RADIL: variants seen among roughly 807,000 people sequenced by gnomAD.
The protein encoded by RADIL is ras-associating and dilute domain-containing protein.
In RADIL, 99 loss-of-function variants were observed where a neutral mutation model predicts 97.6. That is an observed-to-expected ratio of 1.01 (90% confidence interval 0.86 to 1.20). The LOEUF is 1.20. Among genes scored for constraint, RADIL ranks in the 50% most tolerant of loss-of-function variants. The probability of loss-of-function intolerance (pLI) is 0.00; values close to 1 mark genes in which losing one functional copy is unlikely to be tolerated. For synonymous variants in RADIL, 803 were observed against 691.8 expected (o/e 1.16, Z -2.52); for missense variants, 1,765 against 1,498.9 (o/e 1.18, Z -2.93).
In RADIL at chr7:4,830,343, C is replaced by G. The variant is rs566216729; in HGVS notation, c.1454+1798G>C. On this transcript the variant is annotated intron_variant, in intron 5 of 14. Coordinates refer to ENST00000399583, the MANE Select transcript of RADIL (RefSeq NM_018059.5). ...TCTAGGGCCCACTCGAGAGTGGGAG[C>G]GTAGGCCGCAGGGGCTGCACGTCTG... Among the ~76,000 whole-genome samples the G allele has an allele frequency of 3.7e-3, 556 of 152,224 alleles. 3 individuals are homozygous for G. The highest frequency in any genetic ancestry group is 6.4e-3 in the Non-Finnish European group (435 of 68,018).
chr7:4,799,775 G>C lies in RADIL; in HGVS notation c.2983-6C>G, dbSNP rs775667728. The C allele has an allele frequency of 6.6e-7, 1 of 1,518,152 alleles. No homozygotes were observed. The highest frequency in any genetic ancestry group is 1.4e-5 in the African/African-American group (1 of 72,512). The allele number at this position is 1,518,152 out of a possible 1,614,324, so 94.0% of individuals were successfully genotyped here. On this transcript the variant is annotated splice_region_variant and splice_polypyrimidine_tract_variant and intron_variant, in intron 13 of 14. Transcript: ENST00000399583. ...GGGGCGCCCAGGTGCGTGTGCTGGG[G>C]ACAAGCAGAGGCCTCAGAGCTCCGC...
chr7:4,836,545 G>C lies in RADIL; in HGVS notation c.596C>G (p.Ala199Gly). ...RSRAKGTPTP[A>G]LGDARSSPPP... Reference sequence around the variant, plus strand: ...AGGAGAGCTCCGGGCATCCCCCAGGGCCGGGGTCGGGGTTCCCTTCGCGCG... The same window carrying C: ...AGGAGAGCTCCGGGCATCCCCCAGGCCCGGGGTCGGGGTTCCCTTCGCGCG... The change falls in exon 3 of 15, where the codon GCC (alanine) becomes GGC (glycine). Residue 199 changes from alanine to glycine, a missense_variant. Physicochemically the swap from Ala to Gly is moderately conservative, Grantham distance 60 (BLOSUM62 0). Transcript: ENST00000399583. 6.2e-7 allele frequency: 1 copy of C among 1,607,876 alleles called. No individual in the cohort carries two copies. The highest frequency in any genetic ancestry group is 1.3e-5 in the African/African-American group (1 of 74,984).
At chr7:4,800,971 C>T (rs73671955) in intron 12 of RADIL, among the ~76,000 whole-genome samples, 3 of 152,202 alleles carry the variant, frequency 2.0e-5, no homozygotes, top group African/African-American at 7.2e-5. Context: ...CCGGCTGGGG[C>T]TGCCTCACCC....
chr7:4,860,710 G>T (rs17135247), intron 2 of RADIL: 1 of 1,613,544 alleles, frequency 6.2e-7, no homozygotes, highest in African/African-American at 1.3e-5. Context: ...TTTGAAAGAA[G>T]CTTGGAGCTT....
In RADIL at chr7:4,867,835, A is replaced by G. The variant is rs1784163489; in HGVS notation, c.535+9770T>C. ...TGGGTTCCCAAGGACAATGACAATG[A>G]AAAAAGAAAATGATCCTATCCATCC... On this transcript the variant is annotated intron_variant, in intron 2 of 14. Transcript: ENST00000399583. The surrounding 1 kb of genome is among the most constrained non-coding windows in gnomAD (Gnocchi z 4.1). Among the ~76,000 whole-genome samples the G allele has an allele frequency of 6.6e-6, 1 of 152,164 alleles. No homozygotes were observed. The highest frequency in any genetic ancestry group is 1.5e-5 in the Non-Finnish European group (1 of 68,018).
At chr7:4,827,419 G>C (rs540205136) in intron 5 of RADIL, among the ~76,000 whole-genome samples, 1 of 151,834 alleles carries the variant, frequency 6.6e-6, no homozygotes, top group African/African-American at 2.4e-5. Flanking sequence ...CAGCACTTTG[G>C]GAGGCCGAGG....
rs1784431946 is a variant in RADIL at position 4,879,110 on chromosome 7, C to A, written c.-64-907G>T. 6.6e-6 allele frequency among the ~76,000 whole-genome samples: 1 copy of A among 152,240 alleles called. No individual in the cohort carries two copies. Among genetic ancestry groups the A allele is most frequent in the Non-Finnish European group, 1.5e-5 (1 of 68,036 alleles). On this transcript the variant is annotated intron_variant, in intron 1 of 14. Coordinates refer to ENST00000399583, the MANE Select transcript of RADIL (RefSeq NM_018059.5). The surrounding 1 kb of genome is among the most constrained non-coding windows in gnomAD (Gnocchi z 4.1). ...TCGCAAGCACGGCGGGCACAAAGGG[C>A]CCCTCTCGAGCCGGTGCAGGCATGG...
At chr7:4,838,492 T>C (rs1783359903) in intron 2 of RADIL, among the ~76,000 whole-genome samples, 1 of 152,092 alleles carries the variant, frequency 6.6e-6, no homozygotes, top group African/African-American at 2.4e-5. Flanking sequence ...GTCCCAGGCC[T>C]GTGTCCCCTG....
In RADIL at chr7:4,840,913, C is replaced by G. The variant is rs894777763; in HGVS notation, c.536-4308G>C. Among the ~76,000 whole-genome samples, 2 of 152,076 alleles carry G rather than the reference C, an allele frequency of 1.3e-5. No homozygotes were observed. Among genetic ancestry groups the G allele is most frequent in the Non-Finnish European group, 2.9e-5 (2 of 67,994 alleles). ...ACCCAGGAGGTGGAGGTTGCAGTGA[C>G]CTGAGATCGCACCACTGCACTCCAG... On this transcript the variant is annotated intron_variant, in intron 2 of 14. Transcript: ENST00000399583. This position sits in a 1 kb window ranked among gnomAD's most constrained non-coding sequence, Gnocchi z 5.6.
intron 5 of RADIL, among the ~76,000 whole-genome samples, chr7:4,827,496 C>G (rs1783024195): frequency 1.3e-5 from 2 of 149,812 alleles, no homozygotes; most frequent in Non-Finnish European, 3.0e-5. Flanking sequence ...CCCGTCTCTA[C>G]TAAAAATACA....
intron 2 of RADIL, among the ~76,000 whole-genome samples, chr7:4,852,998 C>A (rs1025369307): frequency 5.9e-5 from 9 of 152,066 alleles, no homozygotes; most frequent in Non-Finnish European, 1.0e-4. Context: ...TGGATTATAC[C>A]CAGACGCCCC....
Position 4,854,450 on chromosome 7 carries a change from T to C in RADIL, c.536-17845A>G, listed in dbSNP as rs756240468. 1.3e-5 allele frequency among the ~76,000 whole-genome samples: 2 copies of C among 152,150 alleles called. No individual in the cohort carries two copies. The highest frequency in any genetic ancestry group is 4.8e-5 in the African/African-American group (2 of 41,422). On this transcript the variant is annotated intron_variant, in intron 2 of 14. Coordinates refer to ENST00000399583, the MANE Select transcript of RADIL (RefSeq NM_018059.5). This position sits in a 1 kb window ranked among gnomAD's most constrained non-coding sequence, Gnocchi z 5.1. The stretch of plus-strand genomic sequence containing the variant: ...GGCTCACGCCTGTAATCCCAGCACG[T>C]TGGGAGGCCGAGGCAGGCAGATCAC...
chr7:4,801,321 T>TC (rs938652091), intron 12 of RADIL, among the ~76,000 whole-genome samples: 6 of 152,158 alleles, frequency 3.9e-5, no homozygotes, highest in African/African-American at 1.2e-4. Flanking sequence ...ACCCCTGGGT[T>TC]CCCCCTCAGC....
At position 4,835,118 on chromosome 7, in the gene RADIL, C is replaced by G. The variant is rs778925992; in HGVS notation, c.905G>C (p.Arg302Pro). Residue 302 changes from arginine to proline, a missense_variant, in exon 4 of 15, where the codon CGG becomes CCG. Coordinates refer to ENST00000399583, the MANE Select transcript of RADIL (RefSeq NM_018059.5). The surrounding 1 kb of genome is among the most constrained non-coding windows in gnomAD (Gnocchi z 5.8). ...DILPLHCTIR[R>P]QPLPDSGQAA... is the part of the protein sequence containing the mutation. ...CTGGCCGCTGTCCGGGAGCGGTTGCCGGCGGATGGTGCAGTGTAGAGGCAG... is the reference window on the plus strand; with the variant it reads ...CTGGCCGCTGTCCGGGAGCGGTTGCGGGCGGATGGTGCAGTGTAGAGGCAG... 6.2e-7 allele frequency: 1 copy of G among 1,608,830 alleles called. No individual in the cohort carries two copies. Among genetic ancestry groups the G allele is most frequent in the East Asian group, 2.2e-5 (1 of 44,656 alleles).
At position 4,799,610 on chromosome 7, in the gene RADIL, C is replaced by T. The variant is rs368124515; in HGVS notation, c.3122+20G>A. ...AGGGCATCTGGGAGAAGGGGCCGGG[C>T]GTGCATGCGGTGGGGGTACCTCAGG... On this transcript the variant is annotated intron_variant, in intron 14 of 14. Coordinates refer to ENST00000399583, the MANE Select transcript of RADIL (RefSeq NM_018059.5). The T allele has an allele frequency of 1.2e-5, 20 of 1,604,970 alleles. No individual in the cohort carries two copies. Among genetic ancestry groups the T allele is most frequent in the East Asian group, 8.9e-5 (4 of 44,700 alleles).
chr7:4,836,823 A>C (rs970275453), intron 2 of RADIL, among the ~76,000 whole-genome samples: 1 of 152,140 alleles, frequency 6.6e-6, no homozygotes, highest in African/African-American at 2.4e-5. Flanking sequence ...CTGTAATCCC[A>C]GCTACTCAGG....
In RADIL at chr7:4,803,818, C is replaced by T. The variant is rs949537251; in HGVS notation, c.2291-64G>A. On this transcript the variant is annotated intron_variant, in intron 10 of 14. Transcript: ENST00000399583. Reference sequence around the variant, plus strand: ...AAGCTGCCTCCCTCGCCAGGCCGCCCCGCCCAACGGTGTGGGAACCCAGGG... The same window carrying T: ...AAGCTGCCTCCCTCGCCAGGCCGCCTCGCCCAACGGTGTGGGAACCCAGGG... The T allele has an allele frequency of 3.5e-6, 5 of 1,436,780 alleles. No individual in the cohort carries two copies. In the African/African-American group the frequency reaches 4.2e-5, roughly 12 times the overall value. The allele number at this position is 1,436,780 out of a possible 1,614,324, so 89.0% of individuals were successfully genotyped here.
In RADIL at chr7:4,800,258, G is replaced by T; in HGVS notation, c.2895C>A (p.Ser965Arg). 6.4e-7 allele frequency: 1 copy of T among 1,558,536 alleles called. No individual in the cohort carries two copies. Among genetic ancestry groups the T allele is most frequent in the South Asian group, 1.2e-5 (1 of 81,708 alleles). ...CGTAGCAGAAGTCCTCGGTGCTGGA[G>T]CTGCGGCTGGACGGGGCTGGAGGGG... ...EESPPAPSSR[S>R]SSTEDFCYVF... is the part of the protein sequence containing the mutation. The change falls in exon 13 of 15, where the codon AGC becomes AGA. Residue 965 changes from serine (S) to arginine (R), a missense_variant. Coordinates refer to ENST00000399583, the MANE Select transcript of RADIL (RefSeq NM_018059.5).
At chr7:4,846,452 T>A (rs1218341623) in intron 2 of RADIL, among the ~76,000 whole-genome samples, 2 of 148,688 alleles carry the variant, frequency 1.3e-5, no homozygotes, top group Non-Finnish European at 3.0e-5. Context: ...GCCCTATTGC[T>A]TTTTTAAGTA....
Sources: gnomAD v4.1 joint callset for allele counts (sites outside exome capture counted in the v4.1 genomes callset) on GRCh38, gnomAD v4.1.1 for gene constraint, Gnocchi (gnomAD v3.1) non-coding constraint, MANE v1.5 for transcripts, NCBI Gene and HGNC (gene_info 2026-07-23, HGNC 2026-07-21) for gene names.